DCAF5: variants seen among roughly 807,000 people sequenced by gnomAD.
DCAF5 encodes DDB1 and CUL4 associated factor 5, also known as DDB1- and CUL4-associated factor 5.
A neutral mutation model predicts 80.7 loss-of-function variants in DCAF5; 9 were observed. The observed-to-expected ratio is 0.11, with a 90% CI of 0.07 to 0.19. DCAF5 has a LOEUF of 0.19. Ranked by LOEUF, DCAF5 falls within the 10% of genes least tolerant of loss-of-function variation. DCAF5 has a pLI of 1.00. For synonymous variants in DCAF5, 433 were observed against 461.9 expected (o/e 0.94, Z 0.80); for missense variants, 842 against 1,205.7 (o/e 0.70, Z 4.47).
chr14:69,132,894 T>G (rs2041083392), intron 1 of DCAF5, among the ~76,000 whole-genome samples: 1 of 152,242 alleles, frequency 6.6e-6, no homozygotes, highest in Non-Finnish European at 1.5e-5. Flanking sequence ...CTTCTCTAAA[T>G]TATAGTCCTC....
chr14:69,072,641 AAAAAC>A (rs1279769994), intron 7 of DCAF5, among the ~76,000 whole-genome samples: 3 of 151,574 alleles, frequency 2.0e-5, no homozygotes, highest in African/African-American at 7.3e-5. Flanking sequence ...AAAAAAAAAA[AAAAAC>A]GAGAGAAAAG....
At chr14:69,085,006 G>A (rs2039262713) in intron 6 of DCAF5, 3 of 1,366,006 alleles carry the variant, frequency 2.2e-6, no homozygotes, top group African/African-American at 1.4e-5. Context: ...TACCTGAAAT[G>A]ATCCAAGGTT....
chr14:69,094,757 G>GT (rs1417506664), intron 5 of DCAF5, among the ~76,000 whole-genome samples: 2 of 152,114 alleles, frequency 1.3e-5, no homozygotes, highest in Non-Finnish European at 2.9e-5. Flanking sequence ...GGCTTCAAGT[G>GT]TAAGATGCAT....
At position 69,116,232 on chromosome 14, in the gene DCAF5, G is replaced by C. The variant is rs3742904; in HGVS notation, c.665+134C>G. 3.6e-4 allele frequency: 383 copies of C among 1,060,376 alleles called. 2 individuals are homozygous for C. The East Asian group carries it at 9.2e-3, about 26-fold the overall frequency. The allele number at this position is 1,060,376 out of a possible 1,614,324, so 65.7% of individuals were successfully genotyped here. On this transcript the variant is annotated intron_variant, in intron 5 of 8. Coordinates refer to ENST00000341516, the MANE Select transcript of DCAF5 (RefSeq NM_003861.3). ...GGAAACAAGCTCTCCTGGCTTGAGA[G>C]ACACTATATATCTTAAGAAATGCCC...
intron 6 of DCAF5, among the ~76,000 whole-genome samples, chr14:69,077,146 G>A (rs115441185): frequency 5.9e-5 from 9 of 152,246 alleles, no homozygotes; most frequent in South Asian, 2.1e-4. Context: ...GCATTACTTC[G>A]TCCTGTCTTT....
At chr14:69,069,625 G>A (rs551531129) in intron 7 of DCAF5, among the ~76,000 whole-genome samples, 21 of 151,960 alleles carry the variant, frequency 1.4e-4, no homozygotes, top group African/African-American at 3.6e-4. Flanking sequence ...TCTTTCTTTC[G>A]TTCTTTTCTT....
At chr14:69,070,612 G>C (rs1448536702) in intron 7 of DCAF5, among the ~76,000 whole-genome samples, 1 of 152,054 alleles carries the variant, frequency 6.6e-6, no homozygotes, top group Non-Finnish European at 1.5e-5. Flanking sequence ...CTTTCAATAT[G>C]TAACACTGGC....
intron 6 of DCAF5, among the ~76,000 whole-genome samples, chr14:69,086,674 G>C (rs1443333406): frequency 6.6e-6 from 1 of 150,586 alleles, no homozygotes; most frequent in Non-Finnish European, 1.5e-5. Context: ...CTCTGGCCTA[G>C]AGAGTACTTA....
intron 1 of DCAF5, among the ~76,000 whole-genome samples, chr14:69,127,370 A>C (rs2140083921): frequency 6.6e-6 from 1 of 152,324 alleles, no homozygotes; most frequent in South Asian, 2.1e-4. Flanking sequence ...CACATTACCA[A>C]ATGAAAAAAG....
rs1594955645 is a variant in DCAF5, at chr14:69,078,104, G to A, written c.880-2693C>T. ...ATTTGATAAGTCACTCCACAAACAT[G>A]CTCAAGACAAGGAAACTCATAAGGC... On this transcript the variant is annotated intron_variant, in intron 6 of 8. Coordinates refer to ENST00000341516, the MANE Select transcript of DCAF5 (RefSeq NM_003861.3). 2.0e-5 allele frequency among the ~76,000 whole-genome samples: 3 copies of A among 152,170 alleles called. No homozygotes were observed. In the East Asian group the frequency reaches 5.8e-4, roughly 29 times the overall value.
At chr14:69,070,855 C>A (rs1489276913) in intron 7 of DCAF5, among the ~76,000 whole-genome samples, 1 of 150,814 alleles carries the variant, frequency 6.6e-6, no homozygotes, top group Non-Finnish European at 1.5e-5. Context: ...TGGAGTGCAG[C>A]GGTGCAATCT....
intron 1 of DCAF5, among the ~76,000 whole-genome samples, chr14:69,129,875 C>T (rs1477540713): frequency 6.6e-6 from 1 of 152,194 alleles, no homozygotes; most frequent in Non-Finnish European, 1.5e-5. Flanking sequence ...CAATTGCTTA[C>T]CTTCAACTCA....
chr14:69,073,835 AG>A (rs1311889204), intron 7 of DCAF5, among the ~76,000 whole-genome samples: 1 of 152,378 alleles, frequency 6.6e-6, no homozygotes, highest in African/African-American at 2.4e-5. Context: ...TTTCAAGATC[AG>A]GTAAAAGATA....
intron 6 of DCAF5, chr14:69,084,463 C>CT: frequency 1.2e-6 from 1 of 812,168 alleles, no homozygotes; most frequent in Non-Finnish European, 2.1e-6. Context: ...AGACGATGCT[C>CT]TTTTCTGCCA....
At chr14:69,094,383 G>A (rs987456891) in intron 5 of DCAF5, among the ~76,000 whole-genome samples, 2 of 152,178 alleles carry the variant, frequency 1.3e-5, no homozygotes, top group Non-Finnish European at 2.9e-5. Context: ...GAATTTGGTT[G>A]TGGGCTCCAG....
intron 7 of DCAF5, among the ~76,000 whole-genome samples, chr14:69,067,178 C>A (rs2038477089): frequency 6.6e-6 from 1 of 152,002 alleles, no homozygotes; most frequent in Non-Finnish European, 1.5e-5. Context: ...CTGTGCCTAG[C>A]ACATAGTAAG....
chr14:69,139,635 G>A (rs1161047025), intron 1 of DCAF5, among the ~76,000 whole-genome samples: 1 of 152,006 alleles, frequency 6.6e-6, no homozygotes, highest in East Asian at 1.9e-4. Flanking sequence ...CCAACATGGT[G>A]AGACCCCGTC....
chr14:69,117,508 G>A (rs894131595), intron 4 of DCAF5, among the ~76,000 whole-genome samples: 2 of 152,150 alleles, frequency 1.3e-5, no homozygotes, highest in African/African-American at 4.8e-5. Flanking sequence ...TATGGCAGTG[G>A]CACTAAGGCT....
At chr14:69,123,816 A>G (rs2040797819) in intron 1 of DCAF5, among the ~76,000 whole-genome samples, 1 of 152,142 alleles carries the variant, frequency 6.6e-6, no homozygotes, top group East Asian at 1.9e-4. Flanking sequence ...CTCCTGCCTC[A>G]GTCTCCTGAG....
Sources: allele counts gnomAD v4.1 joint callset (sites outside exome capture counted in the v4.1 genomes callset), GRCh38; gene constraint gnomAD v4.1.1; transcripts MANE v1.5; gene names NCBI Gene and HGNC (gene_info 2026-07-23, HGNC 2026-07-21).